The following CADPS variants were observed in gnomAD, a reference collection of about 807,000 sequenced individuals.
CADPS encodes calcium-dependent secretion activator 1.
Under a neutral mutation model 167.3 loss-of-function variants are expected in CADPS, and 57 were observed. The observed-to-expected ratio is 0.34, with a 90% confidence interval of 0.28 to 0.42. The LOEUF is 0.42. CADPS is among the 20% of genes least tolerant of loss of function. The pLI is 1.00. For synonymous variants in CADPS, 676 were observed against 635.3 expected (o/e 1.06, Z -0.96); for missense variants, 1,414 against 1,738.1 (o/e 0.81, Z 3.32).
In CADPS at chr3:62,518,225, C is replaced by T; in HGVS notation, c.2317G>A (p.Val773Ile). ...NRPDGIGTVT[V>I]EEKERFEEIK... Reference sequence around the variant, plus strand: ...TCTTCAAAACGTTCCTTTTCTTCAACAGTCACAGTTCCAATTCCATCAGGC... The same window carrying T: ...TCTTCAAAACGTTCCTTTTCTTCAATAGTCACAGTTCCAATTCCATCAGGC... Residue 773 changes from valine to isoleucine, a missense_variant, in exon 14 of 30, where the codon GTT (valine) becomes ATT (isoleucine). Around this residue, in one of 6 missense-constraint regions of CADPS, gnomAD observed 529 missense variants for 629.6 expected, o/e 0.84. Coordinates refer to ENST00000383710, the MANE Select transcript of CADPS (RefSeq NM_003716.4). 6.2e-7 allele frequency: 1 copy of T among 1,612,600 alleles called. No homozygotes were observed. The highest frequency in any genetic ancestry group is 1.1e-5 in the South Asian group (1 of 91,048).
At chr3:62,551,648 C>T (rs192668393) in intron 10 of CADPS, among the ~76,000 whole-genome samples, 106 of 152,222 alleles carry the variant, frequency 7.0e-4, no homozygotes, top group Admixed American at 2.3e-3. Context: ...CCTCTGCCAC[C>T]TCTAACCTCC....
intron 17 of CADPS, among the ~76,000 whole-genome samples, chr3:62,505,570 G>C (rs752206368): frequency 6.6e-6 from 1 of 152,188 alleles, no homozygotes; most frequent in Non-Finnish European, 1.5e-5. Flanking sequence ...CTCTTCTGCA[G>C]TTCATTCTCT....
At chr3:62,493,749 C>T (rs1477850198) in intron 18 of CADPS, 84 bp from the exon 19 acceptor site, 5 of 1,133,492 alleles carry the variant, frequency 4.4e-6, no homozygotes, top group Non-Finnish European at 6.5e-6. Flanking sequence ...CCTGCTGTTT[C>T]CATTTTAATT....
At chr3:62,482,049 A>G (rs2062097743) in intron 21 of CADPS, among the ~76,000 whole-genome samples, 180 bp from the exon 22 acceptor site, 1 of 152,242 alleles carries the variant, frequency 6.6e-6, no homozygotes, top group Non-Finnish European at 1.5e-5. Flanking sequence ...CTCTGTATCC[A>G]GAGAAATGAC....
At position 62,601,090 on chromosome 3, in the gene CADPS, T is replaced by A. The variant is rs1319687042; in HGVS notation, c.1326-8342A>T. On this transcript the variant is annotated intron_variant, in intron 6 of 29. Transcript: ENST00000383710. This position sits in a 1 kb window ranked among gnomAD's most constrained non-coding sequence, Gnocchi z 4.3. The stretch of plus-strand genomic sequence containing the variant: ...AAAAATGTAAGTCTTCATTTTAGGA[T>A]TATAGACCAGGGGTTGTTAAACTAT... Among the ~76,000 whole-genome samples, 17 of 152,182 alleles carry A rather than the reference T, an allele frequency of 1.1e-4. No individual in the cohort carries two copies. Among genetic ancestry groups the A allele is most frequent in the Admixed American group, 1.0e-3 (16 of 15,274 alleles).
At chr3:62,580,596 A>T (rs940292965) in intron 8 of CADPS, among the ~76,000 whole-genome samples, 34 of 141,942 alleles carry the variant, frequency 2.4e-4, no homozygotes, top group African/African-American at 5.2e-4. Flanking sequence ...AAAAAAAAAT[A>T]AAAAAAAAAA....
At chr3:62,651,996 GA>G (rs2070278184) in intron 4 of CADPS, among the ~76,000 whole-genome samples, 1 of 152,022 alleles carries the variant, frequency 6.6e-6, no homozygotes, top group African/African-American at 2.4e-5. Context: ...GGAAAGGCTG[GA>G]ATCAGGGCTC....
intron 6 of CADPS, among the ~76,000 whole-genome samples, chr3:62,614,014 C>G (rs1249747157): frequency 2.6e-5 from 4 of 152,128 alleles, no homozygotes; most frequent in African/African-American, 9.7e-5. Context: ...AACTCCCTGC[C>G]TGCTACAGGG....
intron 6 of CADPS, among the ~76,000 whole-genome samples, chr3:62,637,849 T>C (rs2066606379): frequency 6.6e-6 from 1 of 152,030 alleles, no homozygotes; most frequent in African/African-American, 2.4e-5. Flanking sequence ...AGAATAACAA[T>C]AGTACCTATC....
At chr3:62,757,306 C>T (rs2084187834) in intron 2 of CADPS, among the ~76,000 whole-genome samples, 1 of 152,160 alleles carries the variant, frequency 6.6e-6, no homozygotes, top group African/African-American at 2.4e-5. Flanking sequence ...CCTTCCACAG[C>T]TGCCATCTGC....
chr3:62,496,262 C>T (rs946115522), intron 18 of CADPS, among the ~76,000 whole-genome samples: 5 of 152,028 alleles, frequency 3.3e-5, no homozygotes, highest in African/African-American at 9.7e-5. Flanking sequence ...ATCACCTGGG[C>T]AGCTTTTAAA....
At chr3:62,710,591 A>C (rs555720702) in intron 3 of CADPS, among the ~76,000 whole-genome samples, 1 of 152,122 alleles carries the variant, frequency 6.6e-6, no homozygotes, top group East Asian at 1.9e-4. Context: ...TGCCTCTCTC[A>C]GTCAGTAATA....
At chr3:62,404,154 A>G (rs2149086767) in intron 28 of CADPS, 1 of 152,460 alleles carries the variant, frequency 6.6e-6, no homozygotes, top group South Asian at 2.1e-4. Context: ...CAATTTACAA[A>G]TAAAATGAAA....
At chr3:62,503,267 G>T (rs1007136953) in intron 17 of CADPS, among the ~76,000 whole-genome samples, 1 of 152,208 alleles carries the variant, frequency 6.6e-6, no homozygotes, top group African/African-American at 2.4e-5. Flanking sequence ...GATCTGGCTT[G>T]TCATCCCCCA....
intron 3 of CADPS, among the ~76,000 whole-genome samples, chr3:62,700,772 A>T (rs2081242419): frequency 6.6e-6 from 1 of 152,110 alleles, no homozygotes; most frequent in Non-Finnish European, 1.5e-5. Flanking sequence ...TTTTTAACTG[A>T]ACTCAAGGCT....
chr3:62,622,531 G>A (rs577571710), intron 6 of CADPS, among the ~76,000 whole-genome samples: 1 of 152,084 alleles, frequency 6.6e-6, no homozygotes, highest in Admixed American at 6.6e-5. Context: ...TAACCTTGAT[G>A]AAATAAGAAA....
At chr3:62,626,593 G>T in intron 6 of CADPS, 2 of 701,318 alleles carry the variant, frequency 2.9e-6, no homozygotes, top group South Asian at 1.5e-5. Flanking sequence ...AGTTCTCAGT[G>T]TGAAGGAAGA....
intron 6 of CADPS, chr3:62,626,605 C>T (rs2367310): frequency 0.95 from 663,828 of 699,584 alleles, 316,294 homozygotes; most frequent in East Asian, 1. Context: ...GAAGGAAGAA[C>T]GTCTTAAATT....
At chr3:62,816,766 C>T (rs1253692919) in intron 1 of CADPS, among the ~76,000 whole-genome samples, 1 of 151,992 alleles carries the variant, frequency 6.6e-6, no homozygotes, top group African/African-American at 2.4e-5. Flanking sequence ...TAGAGCAAAC[C>T]AAACAGAGCT....
Sources: allele counts gnomAD v4.1 joint callset (sites outside exome capture counted in the v4.1 genomes callset), GRCh38; gene constraint gnomAD v4.1.1; regional missense constraint gnomAD v4.1.1; non-coding constraint Gnocchi (gnomAD v3.1); transcripts MANE v1.5; gene names NCBI Gene and HGNC (gene_info 2026-07-23, HGNC 2026-07-21).